The following ACOXL variants were observed in gnomAD, a reference collection of about 807,000 sequenced individuals.
ACOXL encodes the protein acyl-CoA oxidase like, also known as acyl-coenzyme A oxidase-like protein.
A neutral mutation model predicts 71.9 loss-of-function variants in ACOXL; 70 were observed. That is an observed-to-expected ratio of 0.97 (90% confidence interval 0.80 to 1.19). The LOEUF (loss-of-function observed/expected upper bound fraction) is 1.19, where lower values mean the gene tolerates loss of function less well. ACOXL is among the 50% of genes most tolerant of loss of function. The probability of loss-of-function intolerance (pLI) is 0.00; values close to 1 mark genes in which losing one functional copy is unlikely to be tolerated. For synonymous variants in ACOXL, 253 were observed against 281.6 expected (o/e 0.90, Z 1.02); for missense variants, 703 against 736.3 (o/e 0.95, Z 0.52).
intron 9 of ACOXL, among the ~76,000 whole-genome samples, chr2:110,808,160 G>A (rs769326089): frequency 6.6e-5 from 10 of 152,180 alleles, no homozygotes; most frequent in Non-Finnish European, 1.0e-4. Context: ...GACCTCTGCA[G>A]CCTGTGCTGG....
At chr2:110,829,050 A>T (rs1318026345) in intron 9 of ACOXL, among the ~76,000 whole-genome samples, 1 of 152,174 alleles carries the variant, frequency 6.6e-6, no homozygotes, top group Admixed American at 6.5e-5. Context: ...ACCTCAGGTG[A>T]TCTGCCTGCA....
At chr2:110,971,007 A>G (rs1341106003) in intron 12 of ACOXL, among the ~76,000 whole-genome samples, 1 of 152,238 alleles carries the variant, frequency 6.6e-6, no homozygotes, top group Non-Finnish European at 1.5e-5. Context: ...TCTATGAAAG[A>G]CCCTGTGAAG....
intron 17 of ACOXL, chr2:111,093,627 G>C: frequency 1.6e-6 from 2 of 1,277,852 alleles, no homozygotes; most frequent in South Asian, 1.4e-5. Context: ...CACTATGGGA[G>C]GCTGAGGCGG....
chr2:110,859,023 T>C (rs549438735), intron 10 of ACOXL, among the ~76,000 whole-genome samples: 1 of 152,376 alleles, frequency 6.6e-6, no homozygotes, highest in East Asian at 1.9e-4. Flanking sequence ...CATTTCTATA[T>C]GACAATTAAA....
chr2:111,055,095 C>A (rs1482740238), intron 16 of ACOXL, among the ~76,000 whole-genome samples: 1 of 152,190 alleles, frequency 6.6e-6, no homozygotes, highest in Non-Finnish European at 1.5e-5. Flanking sequence ...CCACCCCCAA[C>A]CTTGGTCCAA....
intron 1 of ACOXL, among the ~76,000 whole-genome samples, chr2:110,735,845 A>G (rs1327959059): frequency 2.0e-5 from 3 of 151,994 alleles, no homozygotes; most frequent in Non-Finnish European, 4.4e-5. Context: ...AGCTTTTGAG[A>G]TTTTTCTGAG....
At chr2:110,788,883 T>C (rs1684307439) in intron 3 of ACOXL, among the ~76,000 whole-genome samples, 1 of 152,208 alleles carries the variant, frequency 6.6e-6, no homozygotes, top group Admixed American at 6.5e-5. Context: ...TCCTGTGAGC[T>C]CTGGGTCAGT....
chr2:110,771,461 C>T (rs543105617), intron 2 of ACOXL, among the ~76,000 whole-genome samples: 3 of 152,100 alleles, frequency 2.0e-5, no homozygotes, highest in Admixed American at 6.6e-5. Context: ...TGAGGCAGAA[C>T]GCGGTGTATA....
chr2:110,753,637 G>T (rs562045552), intron 1 of ACOXL, among the ~76,000 whole-genome samples: 1 of 152,184 alleles, frequency 6.6e-6, no homozygotes, highest in Non-Finnish European at 1.5e-5. Flanking sequence ...CACCAGGGCT[G>T]TTTCTAGTTT....
chr2:110,795,015 T>C (rs1005326533), intron 5 of ACOXL, among the ~76,000 whole-genome samples: 1 of 151,922 alleles, frequency 6.6e-6, no homozygotes, highest in African/African-American at 2.4e-5. Context: ...GCTTGCTTGA[T>C]ATTGGGTGTT....
chr2:110,889,632 A>G (rs1697713190), intron 10 of ACOXL, among the ~76,000 whole-genome samples: 1 of 152,188 alleles, frequency 6.6e-6, no homozygotes, highest in Non-Finnish European at 1.5e-5. Flanking sequence ...CTTGGCCTAC[A>G]GTTTTCCAGA....
intron 12 of ACOXL, among the ~76,000 whole-genome samples, chr2:110,944,828 G>A (rs892157882): frequency 2.6e-5 from 4 of 152,158 alleles, no homozygotes; most frequent in Non-Finnish European, 4.4e-5. Context: ...TGTCTTTATG[G>A]TAGAATGATT....
intron 10 of ACOXL, chr2:110,886,785 A>G: frequency 7.1e-6 from 11 of 1,551,056 alleles, no homozygotes; most frequent in Non-Finnish European, 8.7e-6. Context: ...TTCTAGGTCC[A>G]GAATCATCTC....
At chr2:111,074,165 GT>G (rs1223089873) in intron 16 of ACOXL, among the ~76,000 whole-genome samples, 7,330 of 142,096 alleles carry the variant, frequency 0.052, 448 homozygotes, top group African/African-American at 0.15. Context: ...ACTGTGTGTT[GT>G]TTTTTTTTTT....
At chr2:110,776,896 G>A (rs756853493) in intron 2 of ACOXL, among the ~76,000 whole-genome samples, 7 of 151,962 alleles carry the variant, frequency 4.6e-5, no homozygotes, top group Non-Finnish European at 1.0e-4. Flanking sequence ...GAGAGAGGTG[G>A]TGCTAGCTGG....
intron 2 of ACOXL, among the ~76,000 whole-genome samples, chr2:110,771,185 G>A (rs1681872885): frequency 6.6e-6 from 1 of 152,202 alleles, no homozygotes; most frequent in South Asian, 2.1e-4. Context: ...GGCCATCAGT[G>A]CGGCAGGCTC....
In ACOXL at chr2:110,734,122, A is replaced by C. The variant is rs138965518; in HGVS notation, c.-23+1348A>C. 1.0e-3 allele frequency among the ~76,000 whole-genome samples: 157 copies of C among 151,996 alleles called. 1 individual carries two copies. The highest frequency in any genetic ancestry group is 3.6e-3 in the African/African-American group (150 of 41,246). Reference sequence around the variant, plus strand: ...TTCTTGCTAACTTTTTTTGTTTTGGAAAATAGTTATTTTCATAAAATACAC... The same window carrying C: ...TTCTTGCTAACTTTTTTTGTTTTGGCAAATAGTTATTTTCATAAAATACAC... On this transcript the variant is annotated intron_variant, in intron 1 of 17. Coordinates refer to ENST00000439055, the MANE Select transcript of ACOXL (RefSeq NM_001142807.4).
At chr2:111,096,085 T>C (rs188360515) in intron 17 of ACOXL, among the ~76,000 whole-genome samples, 1 of 152,326 alleles carries the variant, frequency 6.6e-6, no homozygotes, top group Admixed American at 6.5e-5. Context: ...CTGGGCTGAT[T>C]GGTATTACTA....
intron 12 of ACOXL, among the ~76,000 whole-genome samples, chr2:110,980,972 C>G (rs2062683498): frequency 6.6e-6 from 1 of 152,190 alleles, no homozygotes; most frequent in African/African-American, 2.4e-5. Flanking sequence ...TGCCCCTCCC[C>G]CAGCACACCA....
Sources: gnomAD v4.1 joint callset for allele counts (sites outside exome capture counted in the v4.1 genomes callset) on GRCh38, gnomAD v4.1.1 for gene constraint, MANE v1.5 for transcripts, NCBI Gene and HGNC (gene_info 2026-07-23, HGNC 2026-07-21) for gene names.